Variants in CDH23 observed in about 807,000 individuals in gnomAD.
CDH23 encodes the protein cadherin related 23.
CDH23 carries 189 observed loss-of-function variants against 317.1 expected under a neutral mutation model. The observed-to-expected ratio is 0.60, with a 90% CI of 0.53 to 0.67. CDH23 has a LOEUF of 0.67. Among genes scored for constraint, CDH23 ranks in the 30% least tolerant of loss-of-function variants. The pLI, the probability that CDH23 is intolerant of heterozygous loss-of-function variation, is 0.00. For synonymous variants in CDH23, 1,839 were observed against 1,876.8 expected (o/e 0.98, Z 0.52); for missense variants, 4,401 against 4,592.4 (o/e 0.96, Z 1.20).
At position 71,810,572 on chromosome 10, in the gene CDH23, G is replaced by A. The variant is rs755084249; in HGVS notation, c.9077+3G>A. ...AACCGCATCCTGGACGTGGACCGGT[G>A]AGTCGGGGCCTGTGTTTGGACTGTC... On this transcript the variant is annotated splice_donor_region_variant and intron_variant, in intron 62 of 69. Transcript: ENST00000224721. 8 of 1,613,758 alleles carry A rather than the reference G, an allele frequency of 5.0e-6. No individual in the cohort carries two copies. The highest frequency in any genetic ancestry group is 4.4e-5 in the South Asian group (4 of 91,066).
At chr10:71,803,143 C>T in intron 54 of CDH23, 66 bp from the exon 55 acceptor site, 2 of 1,603,200 alleles carry the variant, frequency 1.2e-6, no homozygotes, top group South Asian at 2.2e-5. Context: ...CCAGCCCAGG[C>T]CAGGAGTAGA....
intron 9 of CDH23, among the ~76,000 whole-genome samples, chr10:71,609,742 G>A (rs1209444538): frequency 6.6e-6 from 1 of 152,142 alleles, no homozygotes; most frequent in Non-Finnish European, 1.5e-5. Flanking sequence ...GCCTCGCCTG[G>A]TGCGCTTTTT....
At chr10:71,532,711 G>GTTTTTTTTTTTTTTTTTTTT (rs531593760) in intron 6 of CDH23, among the ~76,000 whole-genome samples, 3 of 128,100 alleles carry the variant, frequency 2.3e-5, no homozygotes, top group Non-Finnish European at 5.3e-5. Context: ...TTTTGTTTTT[G>GTTTTTTTTTTTTTTTTTTTT]TTTTTTTTTT....
At chr10:71,672,264 G>C (rs1482504024) in intron 14 of CDH23, among the ~76,000 whole-genome samples, 1 of 152,060 alleles carries the variant, frequency 6.6e-6, no homozygotes, top group Non-Finnish European at 1.5e-5. Context: ...TCAGAGATGA[G>C]GCTAGACATT....
In CDH23 at chr10:71,566,852, T is replaced by C; in HGVS notation, c.540T>C (p.Ile180=). The C allele has an allele frequency of 6.2e-7, 1 of 1,613,964 alleles. No homozygotes were observed. Among genetic ancestry groups the C allele is most frequent in the Non-Finnish European group, 8.5e-7 (1 of 1,179,890 alleles). ...AGCCCCCCTCCCAATTCTTCGCCAT[T>C]GACAGCGCCCGCGGTATCGTCACAG... ...SFQPPSQFFA[I]DSARGIVTVI... The change falls in exon 7 of 70, where the codon ATT becomes ATC. Residue 180 remains isoleucine (I), a synonymous_variant. Transcript: ENST00000224721.
chr10:71,545,906 G>C (rs763981583), intron 6 of CDH23, among the ~76,000 whole-genome samples: 1 of 152,178 alleles, frequency 6.6e-6, no homozygotes. Flanking sequence ...CCACCCCCCA[G>C]GGAGTGACGG....
intron 14 of CDH23, chr10:71,648,010 A>C (rs1862976477): frequency 6.6e-6 from 1 of 152,184 alleles, no homozygotes; most frequent in African/African-American, 2.4e-5. Context: ...CCCGCTCCGA[A>C]GTGTGTTTAC....
rs879399870 is a variant in CDH23, at chr10:71,738,559, C to A, written c.4271C>A (p.Ser1424Ter). Residue 1424 changes from serine (S) to a stop codon, truncating the protein, a stop_gained, in exon 35 of 70, where the codon TCG becomes TAG. Transcript: ENST00000224721. LOFTEE classifies it high-confidence loss of function. ...NSPRFDFTSD[S>*]AVSIPEDCPV... ...CCCCGGTTTGACTTCACCTCCGACT[C>A]GGCGGTCAGCATACCCGAGGACTGC... 6.2e-7 allele frequency: 1 copy of A among 1,613,980 alleles called. No homozygotes were observed. Among genetic ancestry groups the A allele is most frequent in the Non-Finnish European group, 8.5e-7 (1 of 1,179,902 alleles).
At chr10:71,808,229 CTCT>C (rs1187097851) in intron 60 of CDH23, among the ~76,000 whole-genome samples, 3 of 151,984 alleles carry the variant, frequency 2.0e-5, no homozygotes, top group African/African-American at 7.2e-5. Flanking sequence ...TTTTCATTCT[CTCT>C]TCTTTTCAAC....
intron 6 of CDH23, among the ~76,000 whole-genome samples, chr10:71,550,005 C>T (rs971442899): frequency 1.2e-4 from 18 of 152,164 alleles, no homozygotes; most frequent in African/African-American, 4.1e-4. Flanking sequence ...AGGATATTAA[C>T]GGGCTTCCCG....
chr10:71,429,846 A>G (rs893758915), intron 1 of CDH23, among the ~76,000 whole-genome samples: 5 of 152,172 alleles, frequency 3.3e-5, no homozygotes, highest in African/African-American at 1.2e-4. Context: ...CTCTGCTTGC[A>G]AGGATCTGTG....
chr10:71,699,600 T>G (rs1865511364), intron 22 of CDH23, among the ~76,000 whole-genome samples: 1 of 152,272 alleles, frequency 6.6e-6, no homozygotes, highest in Admixed American at 6.5e-5. Flanking sequence ...CTCTTCTTCC[T>G]GGCTCCTGCA....
chr10:71,766,750 G>A (rs577572105), intron 38 of CDH23, among the ~76,000 whole-genome samples: 71 of 152,226 alleles, frequency 4.7e-4, no homozygotes, highest in African/African-American at 1.4e-3. Flanking sequence ...GAAGTGACTT[G>A]CCCAAGGCCA....
rs186708580 is a variant in CDH23 at position 71,813,739 on chromosome 10, T to G, written c.9738+391T>G. Among the ~76,000 whole-genome samples, 669 of 152,284 alleles carry G rather than the reference T, an allele frequency of 4.4e-3. 6 individuals carry two copies. The highest frequency in any genetic ancestry group is 0.015 in the African/African-American group (618 of 41,552). The stretch of plus-strand genomic sequence containing the variant: ...CTGGCCAACGTGGCGAAACCCCATC[T>G]GTACTAAAAATACAAAAAATTAGCC... On this transcript the variant is annotated intron_variant, in intron 69 of 69. Transcript: ENST00000224721.
chr10:71,670,076 G>C (rs1044951286), intron 14 of CDH23, among the ~76,000 whole-genome samples: 13 of 152,240 alleles, frequency 8.5e-5, no homozygotes, highest in African/African-American at 3.1e-4. Flanking sequence ...TCAGAGGTGT[G>C]CCGGGCATCT....
chr10:71,674,741 T>A (rs534197364), intron 14 of CDH23, among the ~76,000 whole-genome samples: 2 of 152,338 alleles, frequency 1.3e-5, no homozygotes, highest in South Asian at 4.1e-4. Context: ...ATGAACGATG[T>A]CATTTAGCCT....
Position 71,725,424 on chromosome 10 carries a change from A to AG in CDH23, c.3486dup (p.Pro1163AlafsTer42). ...ATGTCAGCAATGGGCTCCTGATGCGAGGGCCCCGGCCCCTGGACCGGGAGC... is the reference window on the plus strand; with the variant it reads ...ATGTCAGCAATGGGCTCCTGATGCGAGGGGCCCCGGCCCCTGGACCGGGAGC... On this transcript the variant is annotated frameshift_variant, in exon 30 of 70. Transcript: ENST00000224721. LOFTEE classifies it high-confidence loss of function. 2 of 1,614,036 alleles carry AG rather than the reference A, an allele frequency of 1.2e-6. No homozygotes were observed. Among genetic ancestry groups the AG allele is most frequent in the Non-Finnish European group, 1.7e-6 (2 of 1,179,900 alleles).
chr10:71,466,983 G>C (rs994482793), intron 3 of CDH23, among the ~76,000 whole-genome samples: 22 of 152,268 alleles, frequency 1.4e-4, no homozygotes, highest in Admixed American at 8.5e-4. Flanking sequence ...AAGACAGCTT[G>C]TGAGCCCCAC....
At chr10:71,687,806 C>A in intron 19 of CDH23, 87 bp downstream of exon 19, 2 of 1,243,120 alleles carry the variant, frequency 1.6e-6, no homozygotes, top group Non-Finnish European at 2.3e-6. Flanking sequence ...CCCGGCTCTG[C>A]ACACAAATTG....
Sources: gnomAD v4.1 joint callset for allele counts (sites outside exome capture counted in the v4.1 genomes callset) on GRCh38, gnomAD v4.1.1 for gene constraint, MANE v1.5 for transcripts, NCBI Gene and HGNC (gene_info 2026-07-23, HGNC 2026-07-21) for gene names.